Variants in B4GALT4 observed in about 807,000 individuals in gnomAD.
B4GALT4 encodes N-acetyllactosamine synthase.
In B4GALT4, 27 loss-of-function variants were observed where a neutral mutation model predicts 37.3. That is an observed-to-expected ratio of 0.72 (90% CI 0.53 to 1.00). The LOEUF is 1.00. B4GALT4 is among the 50% of genes least tolerant of loss of function. The pLI is 0.00. For missense variants in B4GALT4, 372 were observed against 413.1 expected, an observed-to-expected ratio of 0.90 and a Z score of 0.86; for synonymous variants, 148 against 154.1, an observed-to-expected ratio of 0.96 and a Z score of 0.29.
At chr3:119,226,419 A>G (rs993480559) in intron 4 of B4GALT4, 13 of 219,736 alleles carry the variant, frequency 5.9e-5, no homozygotes, top group African/African-American at 2.3e-4. Flanking sequence ...CTCTGTCTAG[A>G]TCCCCATTGA....
chr3:119,232,548 AAT>A (rs984976383), intron 2 of B4GALT4: 4 of 150,776 alleles, frequency 2.7e-5, no homozygotes, highest in African/African-American at 7.5e-5. Flanking sequence ...CAGACCCTTG[AAT>A]ATTCAGGTTC....
rs1389741266 is a variant in B4GALT4, at chr3:119,229,812, A to G, written c.253+35T>C. The stretch of plus-strand genomic sequence containing the variant: ...TATTATACTTAAATAAAAAGTTTGC[A>G]TACTACTTAATCAAAGGAAAAAAGC... On this transcript the variant is annotated intron_variant, in intron 3 of 7. Transcript: ENST00000393765. 1.9e-6 allele frequency: 3 copies of G among 1,602,394 alleles called. No individual in the cohort carries two copies. In the East Asian group the frequency reaches 6.7e-5, roughly 36 times the overall value.
intron 1 of B4GALT4, among the ~76,000 whole-genome samples, chr3:119,237,354 A>C (rs982439487): frequency 6.6e-6 from 1 of 152,260 alleles, no homozygotes; most frequent in Non-Finnish European, 1.5e-5. Context: ...AATTCTGGTT[A>C]TCAGATGCAT....
intron 3 of B4GALT4, among the ~76,000 whole-genome samples, chr3:119,228,435 T>C (rs933718821): frequency 1.3e-5 from 2 of 152,216 alleles, no homozygotes; most frequent in Non-Finnish European, 2.9e-5. Context: ...GTCCAGTACT[T>C]GCCCAGTAAT....
chr3:119,226,487 C>T (rs920317299), intron 4 of B4GALT4: 11 of 347,018 alleles, frequency 3.2e-5, no homozygotes, highest in Admixed American at 8.8e-5. Flanking sequence ...GTGCATGGCA[C>T]GCACAGAAAG....
chr3:119,238,390 A>G (rs1197553200), intron 1 of B4GALT4, among the ~76,000 whole-genome samples: 1 of 152,134 alleles, frequency 6.6e-6, no homozygotes, highest in African/African-American at 2.4e-5. Flanking sequence ...TATTAGGAGA[A>G]AACTTCTATT....
rs369963226 is a variant in B4GALT4, at chr3:119,236,997, C to T, written c.-290G>A. 1.6e-4 allele frequency: 24 copies of T among 152,174 alleles called. No individual in the cohort carries two copies. The highest frequency in any genetic ancestry group is 5.5e-4 in the African/African-American group (23 of 41,448). 9.4% of individuals were successfully genotyped at this position (152,174 alleles called of 1,614,324 possible). The stretch of plus-strand genomic sequence containing the variant: ...CCACAAAGTGCCACTGCGTGAGTTC[C>T]GTGGCACATTGGAACACAGTGTACC... On this transcript the variant is annotated 5_prime_UTR_variant, in exon 2 of 8. Transcript: ENST00000393765.
intron 2 of B4GALT4, among the ~76,000 whole-genome samples, chr3:119,235,510 G>C (rs571848750): frequency 6.6e-6 from 1 of 152,316 alleles, no homozygotes; most frequent in East Asian, 1.9e-4. Context: ...ATGCCTTGGG[G>C]CTCCCTGGGG....
chr3:119,212,625 C>G lies in B4GALT4; in HGVS notation c.959G>C (p.Cys320Ser). The change falls in exon 8 of 8, where the codon TGT becomes TCT. Residue 320 changes from cysteine (C) to serine (S), a missense_variant. Coordinates refer to ENST00000393765, the MANE Select transcript of B4GALT4 (RefSeq NM_003778.4). ...TTCCACAGATACTAATTTATAAGAA[C>G]AACTACTCAACCCATCTGTTCTCCA... ...RVWRTDGLSS[C>S]SYKLVSVEHN... is the part of the protein sequence containing the mutation. 3 of 1,612,890 alleles carry G rather than the reference C, an allele frequency of 1.9e-6. No homozygotes were observed. Among genetic ancestry groups the G allele is most frequent in the Non-Finnish European group, 2.5e-6 (3 of 1,179,564 alleles).
chr3:119,234,595 CATA>C (rs937669630), intron 2 of B4GALT4, among the ~76,000 whole-genome samples: 1 of 152,114 alleles, frequency 6.6e-6, no homozygotes, highest in African/African-American at 2.4e-5. Context: ...ATTAGAAAAA[CATA>C]ATGACTTTTT....
intron 3 of B4GALT4, among the ~76,000 whole-genome samples, chr3:119,229,085 T>C (rs1362270201): frequency 2.6e-5 from 4 of 152,054 alleles, no homozygotes; most frequent in Non-Finnish European, 2.9e-5. Context: ...AAAGACCACA[T>C]TGAAAAACTT....
intron 7 of B4GALT4, chr3:119,215,597 C>T (rs1384700919): frequency 1.3e-5 from 2 of 152,202 alleles, no homozygotes; most frequent in Non-Finnish European, 2.9e-5. Flanking sequence ...CTGACTAATA[C>T]AACCAGTTTA....
chr3:119,226,098 G>A (rs2078609533), intron 4 of B4GALT4, among the ~76,000 whole-genome samples: 2 of 151,634 alleles, frequency 1.3e-5, no homozygotes, highest in Admixed American at 6.5e-5. Context: ...GATGGCCAAG[G>A]ATAACTGTGA....
At chr3:119,238,797 T>C (rs1345371874) in intron 1 of B4GALT4, among the ~76,000 whole-genome samples, 1 of 152,216 alleles carries the variant, frequency 6.6e-6, no homozygotes, top group East Asian at 1.9e-4. Context: ...ACATTAAAAT[T>C]TAAAGATAAC....
At chr3:119,217,568 C>T (rs1465815143) in intron 6 of B4GALT4, among the ~76,000 whole-genome samples, 1 of 152,176 alleles carries the variant, frequency 6.6e-6, no homozygotes, top group Non-Finnish European at 1.5e-5. Flanking sequence ...CAGCCAGGCA[C>T]AGTGGCTCAC....
intron 1 of B4GALT4, among the ~76,000 whole-genome samples, chr3:119,239,838 C>A (rs76297198): frequency 0.06 from 9,145 of 152,194 alleles, 330 homozygotes; most frequent in African/African-American, 0.11. Context: ...ATTATCTCCT[C>A]TCCCAAGAGA....
At chr3:119,216,206 G>A in intron 7 of B4GALT4, 34 bp downstream of exon 7, 1 of 1,516,552 alleles carries the variant, frequency 6.6e-7, no homozygotes. Flanking sequence ...AGACTAGGGA[G>A]GTAGCCTGCT....
At chr3:119,222,794 C>G (rs551829570) in intron 5 of B4GALT4, among the ~76,000 whole-genome samples, 2 of 152,340 alleles carry the variant, frequency 1.3e-5, no homozygotes, top group African/African-American at 4.8e-5. Context: ...ACCTGGGGAA[C>G]AGCTTTAAAC....
Position 119,224,257 on chromosome 3 carries a change from A to C in B4GALT4, c.487-12T>G. ...TTTTTACCTTCAGCCTAGAGATATG[A>C]AAATTAAAACTTGAAAAGCTCCTGA... On this transcript the variant is annotated splice_polypyrimidine_tract_variant and intron_variant, in intron 4 of 7. Transcript: ENST00000393765. 1.3e-6 allele frequency: 2 copies of C among 1,571,044 alleles called. No homozygotes were observed. The highest frequency in any genetic ancestry group is 1.7e-6 in the Non-Finnish European group (2 of 1,162,400).
Sources: allele counts gnomAD v4.1 joint callset (sites outside exome capture counted in the v4.1 genomes callset), GRCh38; gene constraint gnomAD v4.1.1; transcripts MANE v1.5; gene names NCBI Gene and HGNC (gene_info 2026-07-23, HGNC 2026-07-21).